The following GRID2 variants were observed in gnomAD, a reference collection of about 807,000 sequenced individuals.
GRID2 encodes the protein glutamate ionotropic receptor delta type subunit 2.
Under a neutral mutation model 114.8 loss-of-function variants are expected in GRID2, and 33 were observed. That is an observed-to-expected ratio of 0.29 (90% CI 0.22 to 0.38). The LOEUF (loss-of-function observed/expected upper bound fraction) is 0.38. Ranked by LOEUF, GRID2 falls within the 10% of genes least tolerant of loss-of-function variation. GRID2 has a pLI of 1.00. For missense variants in GRID2, 1,184 were observed against 1,257.7 expected (o/e 0.94, Z 0.89); for synonymous variants, 505 against 449.9 (o/e 1.12, Z -1.55).
chr4:92,428,965 A>G (rs371591276), intron 1 of GRID2, among the ~76,000 whole-genome samples: 19 of 152,220 alleles, frequency 1.2e-4, no homozygotes, highest in African/African-American at 4.1e-4. Context: ...TGCTGTACCC[A>G]TCAACCCGTC....
intron 11 of GRID2, among the ~76,000 whole-genome samples, chr4:93,471,888 C>T (rs1326733527): frequency 2.7e-5 from 4 of 148,304 alleles, no homozygotes; most frequent in East Asian, 4.1e-4. Context: ...TTAGGAGAGA[C>T]GGGGTTTCCC....
intron 2 of GRID2, among the ~76,000 whole-genome samples, chr4:92,739,095 T>C (rs1736744816): frequency 6.6e-6 from 1 of 152,192 alleles, no homozygotes; most frequent in African/African-American, 2.4e-5. Flanking sequence ...GCTGTCTCTC[T>C]CCAGACTATT....
chr4:93,462,931 C>T (rs1375897969), intron 11 of GRID2, among the ~76,000 whole-genome samples: 1 of 152,060 alleles, frequency 6.6e-6, no homozygotes, highest in African/African-American at 2.4e-5. Flanking sequence ...GAGAGTAATT[C>T]CCCATGACAG....
At chr4:93,732,025 G>A (rs1385132150) in intron 14 of GRID2, among the ~76,000 whole-genome samples, 1 of 152,106 alleles carries the variant, frequency 6.6e-6, no homozygotes, top group Non-Finnish European at 1.5e-5. Context: ...TTGAAACTAA[G>A]GACAGACCGT....
chr4:92,645,344 TCC>T (rs1266781249), intron 2 of GRID2, among the ~76,000 whole-genome samples: 2 of 151,720 alleles, frequency 1.3e-5, no homozygotes, highest in African/African-American at 4.8e-5. Flanking sequence ...TTTAACATGT[TCC>T]CCTTTTCTCC....
In GRID2 at chr4:92,420,798, C is replaced by A. The variant is rs935639364; in HGVS notation, c.88+116054C>A. 3.3e-5 allele frequency among the ~76,000 whole-genome samples: 5 copies of A among 152,284 alleles called. No individual in the cohort carries two copies. In the East Asian group the frequency reaches 9.7e-4, roughly 29 times the overall value. ...CTTCTGGGTTCAAGTGATTCTTATG[C>A]CTCAGCATCCTGAGTAGCTGGGATT... On this transcript the variant is annotated intron_variant, in intron 1 of 15. Coordinates refer to ENST00000282020, the MANE Select transcript of GRID2 (RefSeq NM_001510.4).
chr4:93,289,996 A>C (rs183823948), intron 8 of GRID2, among the ~76,000 whole-genome samples: 3 of 152,348 alleles, frequency 2.0e-5, no homozygotes. Context: ...AGACAGTTAC[A>C]TGATTTCCAG....
In GRID2 at chr4:93,431,830, T is replaced by C. The variant is rs116124810; in HGVS notation, c.1545+8862T>C. ...TGTAATATAAGAAAGTCAGTTAATA[T>C]GTGAAGGATAAATATCCTGGAACAG... On this transcript the variant is annotated intron_variant, in intron 10 of 15. Coordinates refer to ENST00000282020, the MANE Select transcript of GRID2 (RefSeq NM_001510.4). 9.1e-3 allele frequency among the ~76,000 whole-genome samples: 1,378 copies of C among 152,194 alleles called. 11 individuals carry two copies. Among genetic ancestry groups the C allele is most frequent in the Middle Eastern group, 0.037 (11 of 294 alleles).
At chr4:93,568,384 T>C (rs1351279415) in intron 13 of GRID2, among the ~76,000 whole-genome samples, 1 of 152,138 alleles carries the variant, frequency 6.6e-6, no homozygotes, top group African/African-American at 2.4e-5. Context: ...TGTGTGGAGA[T>C]ATTATTGGAT....
chr4:92,653,482 T>C (rs1421533287), intron 2 of GRID2, among the ~76,000 whole-genome samples: 1 of 151,998 alleles, frequency 6.6e-6, no homozygotes, highest in Admixed American at 6.6e-5. Context: ...CACTAGTTTC[T>C]ACTTTTGTTC....
intron 8 of GRID2, among the ~76,000 whole-genome samples, chr4:93,325,610 T>G (rs1757744530): frequency 1.3e-5 from 2 of 152,204 alleles, no homozygotes; most frequent in South Asian, 4.1e-4. Context: ...TATAACATTT[T>G]TCATTACTAG....
chr4:92,748,084 G>A (rs925049714), intron 2 of GRID2, among the ~76,000 whole-genome samples: 1 of 151,928 alleles, frequency 6.6e-6, no homozygotes, highest in African/African-American at 2.4e-5. Context: ...ATCTTTTCTG[G>A]TCCTGCTCAG....
At chr4:92,715,497 CT>C (rs1579903092) in intron 2 of GRID2, among the ~76,000 whole-genome samples, 2 of 152,040 alleles carry the variant, frequency 1.3e-5, no homozygotes, top group East Asian at 3.9e-4. Flanking sequence ...TGTATTATTC[CT>C]TTTTACACTG....
At chr4:92,689,111 TTAA>T (rs1231023218) in intron 2 of GRID2, among the ~76,000 whole-genome samples, 1 of 152,180 alleles carries the variant, frequency 6.6e-6, no homozygotes, top group African/African-American at 2.4e-5. Flanking sequence ...CCTAAAATAT[TTAA>T]TAAACCATTG....
At chr4:93,399,965 T>G (rs769177758) in intron 9 of GRID2, among the ~76,000 whole-genome samples, 46 of 152,108 alleles carry the variant, frequency 3.0e-4, no homozygotes, top group Admixed American at 9.2e-4. Context: ...ATATATTAAC[T>G]TATTTAATCC....
At chr4:93,592,338 T>C (rs2149616530) in intron 13 of GRID2, among the ~76,000 whole-genome samples, 1 of 152,256 alleles carries the variant, frequency 6.6e-6, no homozygotes, top group African/African-American at 2.4e-5. Flanking sequence ...CAGGAGGAGG[T>C]TGTTCAGTTT....
chr4:93,438,058 T>C (rs1721267322), intron 10 of GRID2, among the ~76,000 whole-genome samples: 1 of 152,134 alleles, frequency 6.6e-6, no homozygotes, highest in African/African-American at 2.4e-5. Context: ...GTTTACTTTG[T>C]ATGCCAAGCA....
At chr4:92,551,405 C>T (rs911278938) in intron 1 of GRID2, among the ~76,000 whole-genome samples, 3 of 152,080 alleles carry the variant, frequency 2.0e-5, no homozygotes, top group Non-Finnish European at 4.4e-5. Flanking sequence ...ATTATACAAT[C>T]GATCCCAGAT....
At chr4:92,781,417 C>T (rs998643123) in intron 2 of GRID2, among the ~76,000 whole-genome samples, 1 of 152,026 alleles carries the variant, frequency 6.6e-6, no homozygotes, top group African/African-American at 2.4e-5. Context: ...GAATCAGTAA[C>T]TAAGATAAGT....
Sources: gnomAD v4.1 joint callset for allele counts (sites outside exome capture counted in the v4.1 genomes callset) on GRCh38, gnomAD v4.1.1 for gene constraint, MANE v1.5 for transcripts, NCBI Gene and HGNC (gene_info 2026-07-23, HGNC 2026-07-21) for gene names.